The following IL1RAPL2 variants were observed in gnomAD, a reference collection of about 807,000 sequenced individuals.
The protein encoded by IL1RAPL2 is X-linked interleukin-1 receptor accessory protein-like 2.
In IL1RAPL2, 3 loss-of-function variants were observed where a neutral mutation model predicts 44.1. That is an observed-to-expected ratio of 0.07 (90% CI 0.03 to 0.18). The LOEUF (loss-of-function observed/expected upper bound fraction) is 0.18, where lower values mean the gene tolerates loss of function less well. Ranked by LOEUF, IL1RAPL2 falls within the 10% of genes least tolerant of loss-of-function variation. IL1RAPL2 has a pLI of 1.00. For synonymous variants in IL1RAPL2, 181 were observed against 178.8 expected (o/e 1.01, Z -0.10); for missense variants, 391 against 496.4 (o/e 0.79, Z 2.02).
chrX:104,582,152 G>A (rs754457860), intron 1 of IL1RAPL2, among the ~76,000 whole-genome samples: 4 of 112,017 alleles, frequency 3.6e-5, no homozygotes, highest in South Asian at 3.7e-4. Flanking sequence ...CATACACTCC[G>A]CTGCTATGTA....
chrX:104,677,624 C>A (rs1396580519), intron 2 of IL1RAPL2, among the ~76,000 whole-genome samples: 1 of 112,719 alleles, frequency 8.9e-6, no homozygotes, highest in East Asian at 2.8e-4. Flanking sequence ...GTGGGCTCTG[C>A]CCAGTTCGAG....
intron 6 of IL1RAPL2, among the ~76,000 whole-genome samples, chrX:105,554,255 G>A (rs113391604): frequency 4.6e-4 from 52 of 112,751 alleles, no homozygotes; most frequent in African/African-American, 1.6e-3. Context: ...AAGGATTCTA[G>A]AAATACAATG....
intron 1 of IL1RAPL2, among the ~76,000 whole-genome samples, chrX:104,640,649 G>A (rs1011737801): frequency 2.0e-4 from 22 of 111,887 alleles, no homozygotes; most frequent in Non-Finnish European, 3.6e-4. Context: ...GCTTTCATAG[G>A]GGAGTACTTT....
At chrX:105,670,129 ATATATATATATATATAT>A (rs1330347754) in intron 6 of IL1RAPL2, among the ~76,000 whole-genome samples, 11 of 49,385 alleles carry the variant, frequency 2.2e-4, no homozygotes, top group Non-Finnish European at 2.9e-4. Context: ...ATATATATAT[ATATATATATATATATAT>A]ATCTCCACCA....
At chrX:105,436,466 G>C (rs1012503190) in intron 5 of IL1RAPL2, among the ~76,000 whole-genome samples, 2 of 111,752 alleles carry the variant, frequency 1.8e-5, no homozygotes, top group African/African-American at 6.5e-5. Context: ...TTTGAATTTA[G>C]CAATAAATGC....
At chrX:104,911,648 C>T (rs7053026) in intron 2 of IL1RAPL2, among the ~76,000 whole-genome samples, 1,717 of 111,509 alleles carry the variant, frequency 0.015, 38 homozygotes, top group African/African-American at 0.052. Context: ...CAGATGATGT[C>T]GTTCCTGCAT....
intron 1 of IL1RAPL2, among the ~76,000 whole-genome samples, chrX:104,602,753 A>G (rs1445638269): frequency 9.0e-6 from 1 of 111,622 alleles, no homozygotes; most frequent in Non-Finnish European, 1.9e-5. Flanking sequence ...GCAGCTCAGC[A>G]ATGCTGCTGT....
At chrX:105,296,419 G>T (rs2147671946) in intron 5 of IL1RAPL2, among the ~76,000 whole-genome samples, 1 of 111,761 alleles carries the variant, frequency 8.9e-6, no homozygotes, top group Non-Finnish European at 1.9e-5. Flanking sequence ...CATTATATTA[G>T]TTGGGTTTAT....
intron 6 of IL1RAPL2, among the ~76,000 whole-genome samples, chrX:105,596,737 C>T (rs2037213319): frequency 9.0e-6 from 1 of 111,712 alleles, no homozygotes. Flanking sequence ...AATGGATATT[C>T]TGTCTGGATG....
intron 2 of IL1RAPL2, among the ~76,000 whole-genome samples, chrX:104,719,594 C>T (rs776259976): frequency 5.3e-4 from 59 of 111,511 alleles, no homozygotes; most frequent in Admixed American, 3.6e-3. Flanking sequence ...GGGTGCATTG[C>T]TGGAGCTAGG....
intron 8 of IL1RAPL2, among the ~76,000 whole-genome samples, chrX:105,742,400 G>A (rs1446769008): frequency 3.6e-5 from 4 of 111,026 alleles, no homozygotes; most frequent in Admixed American, 2.9e-4. Flanking sequence ...AAAATAATGG[G>A]GGGTGTCTTA....
At chrX:105,685,734 C>G (rs1195644562) in intron 6 of IL1RAPL2, among the ~76,000 whole-genome samples, 1 of 110,865 alleles carries the variant, frequency 9.0e-6, no homozygotes, top group East Asian at 2.8e-4. Flanking sequence ...AAGAGCAACC[C>G]CAAGACACAT....
In IL1RAPL2 at chrX:104,819,464, G is replaced by C. The variant is rs1201016621; in HGVS notation, c.82+160469G>C. On this transcript the variant is annotated intron_variant, in intron 2 of 10. Coordinates refer to ENST00000372582, the MANE Select transcript of IL1RAPL2 (RefSeq NM_017416.2). ...GTCCGGAAAAGCATTTGGTTAGGTT[G>C]GCCTATCTACCCTAACCAATTTTTT... Among the ~76,000 whole-genome samples the C allele has an allele frequency of 3.6e-5, 4 of 111,989 alleles. No individual in the cohort carries two copies. The Admixed American group carries it at 3.8e-4, about 11-fold the overall frequency.
chrX:105,442,848 G>A (rs761576629), intron 5 of IL1RAPL2, among the ~76,000 whole-genome samples: 7 of 111,797 alleles, frequency 6.3e-5, no homozygotes, highest in Admixed American at 9.5e-5. Context: ...GGCTGAGGCC[G>A]GCAGATCACT....
At chrX:104,763,413 C>T (rs1232046119) in intron 2 of IL1RAPL2, among the ~76,000 whole-genome samples, 2 of 111,944 alleles carry the variant, frequency 1.8e-5, no homozygotes, top group Non-Finnish European at 3.8e-5. Flanking sequence ...TCAAACTTTC[C>T]CACATTTTTC....
intron 2 of IL1RAPL2, among the ~76,000 whole-genome samples, chrX:104,931,358 C>A (rs1438479023): frequency 3.8e-5 from 4 of 104,672 alleles, no homozygotes; most frequent in African/African-American, 1.4e-4. Context: ...TATAATGCCA[C>A]TTCTCCCCCA....
intron 2 of IL1RAPL2, among the ~76,000 whole-genome samples, chrX:104,890,087 A>C (rs900869605): frequency 1.3e-4 from 15 of 111,249 alleles, no homozygotes; most frequent in Non-Finnish European, 2.8e-4. Context: ...GCTGAGAATG[A>C]TGGTTTCCAG....
chrX:105,540,844 C>CATATATTATATATCATATATAATAT (rs1569452100), intron 6 of IL1RAPL2, among the ~76,000 whole-genome samples: 20 of 29,349 alleles, frequency 6.8e-4, no homozygotes, highest in African/African-American at 2.3e-3. Flanking sequence ...ATATATAATA[C>CATATATTATATATCATATATAATAT]ATACATATAT....
At chrX:105,238,440 C>A (rs1317315043) in intron 4 of IL1RAPL2, among the ~76,000 whole-genome samples, 1 of 111,330 alleles carries the variant, frequency 9.0e-6, no homozygotes, top group Non-Finnish European at 1.9e-5. Context: ...GCCTTGAAAC[C>A]CACTGAAAAA....
Sources: gnomAD v4.1 joint callset for allele counts (sites outside exome capture counted in the v4.1 genomes callset) on GRCh38, gnomAD v4.1.1 for gene constraint, MANE v1.5 for transcripts, NCBI Gene and HGNC (gene_info 2026-07-23, HGNC 2026-07-21) for gene names.